The following NIBAN1 variants were observed in gnomAD, a reference collection of about 807,000 sequenced individuals.
The protein encoded by NIBAN1 is protein Niban 1.
Under a neutral mutation model 75.1 loss-of-function variants are expected in NIBAN1, and 81 were observed. The observed-to-expected ratio is 1.08, with a 90% confidence interval of 0.90 to 1.30. The LOEUF (loss-of-function observed/expected upper bound fraction) is 1.30. Among genes scored for constraint, NIBAN1 ranks in the 50% most tolerant of loss-of-function variants. The pLI is 0.00. For missense variants in NIBAN1, 1,133 were observed against 1,128.1 expected (o/e 1.00, Z -0.06); for synonymous variants, 436 against 424.8 (o/e 1.03, Z -0.32).
At chr1:184,863,805 A>G (rs545949638) in intron 5 of NIBAN1, among the ~76,000 whole-genome samples, 1 of 152,364 alleles carries the variant, frequency 6.6e-6, no homozygotes, top group Non-Finnish European at 1.5e-5. Flanking sequence ...CATTGGTTTA[A>G]TAGCTTAATT....
chr1:184,801,536 T>C (rs1654042061), intron 12 of NIBAN1, among the ~76,000 whole-genome samples: 1 of 152,150 alleles, frequency 6.6e-6, no homozygotes, highest in African/African-American at 2.4e-5. Flanking sequence ...CCCATTCCTA[T>C]TCCCCTGATT....
At position 184,791,356 on chromosome 1, in the gene NIBAN1, G is replaced by T; in HGVS notation, c.*3621C>A. 6.3e-6 allele frequency: 1 copy of T among 158,938 alleles called. No individual in the cohort carries two copies. Among genetic ancestry groups the T allele is most frequent in the Non-Finnish European group, 1.4e-5 (1 of 71,992 alleles). 9.8% of individuals were successfully genotyped at this position (158,938 alleles called of 1,614,324 possible). A position where few individuals can be genotyped will look rare whatever the true frequency, so the allele number is the denominator to read the frequency against. ...ATGAACGAAAATCACTTTTGTCTTG[G>T]GGAATTGTGAAACCTTTTGAAATCA... On this transcript the variant is annotated 3_prime_UTR_variant, in exon 14 of 14. Coordinates refer to ENST00000367511, the MANE Select transcript of NIBAN1 (RefSeq NM_052966.4).
At chr1:184,945,347 A>ACT (rs10690041) in intron 1 of NIBAN1, among the ~76,000 whole-genome samples, 104,327 of 151,992 alleles carry the variant, frequency 0.69, 35,982 homozygotes, top group African/African-American at 0.7. Flanking sequence ...AAGGCTTTTC[A>ACT]CTCTGTAAAA....
intron 6 of NIBAN1, 127 bp from the exon 7 acceptor site, chr1:184,823,869 A>T: frequency 1.5e-6 from 1 of 674,694 alleles, no homozygotes; most frequent in Admixed American, 2.7e-5. Context: ...GTAGGTTAAT[A>T]GTTTAACCTA....
intron 3 of NIBAN1, among the ~76,000 whole-genome samples, chr1:184,892,575 A>C (rs1360836122): frequency 1.3e-5 from 2 of 152,078 alleles, no homozygotes; most frequent in Non-Finnish European, 2.9e-5. Flanking sequence ...TATTAGCTTA[A>C]TAAATGTTGA....
chr1:184,935,343 AAAAAAT>A (rs1334515831), intron 1 of NIBAN1, among the ~76,000 whole-genome samples: 1 of 152,052 alleles, frequency 6.6e-6, no homozygotes, highest in Non-Finnish European at 1.5e-5. Context: ...CTGTCTATAC[AAAAAAT>A]AAAAATAAAA....
chr1:184,839,545 C>CTCTGTGTG (rs1553219307), intron 5 of NIBAN1, among the ~76,000 whole-genome samples: 3 of 148,634 alleles, frequency 2.0e-5, no homozygotes, highest in Non-Finnish European at 4.5e-5. Flanking sequence ...ACATGCATTC[C>CTCTGTGTG]TGTGTGTGTG....
At chr1:184,803,192 G>A (rs556990853) in intron 12 of NIBAN1, among the ~76,000 whole-genome samples, 5 of 152,298 alleles carry the variant, frequency 3.3e-5, no homozygotes, top group Admixed American at 2.0e-4. Context: ...CAGAGGACAC[G>A]TTGGACCTAT....
At position 184,795,369 on chromosome 1, in the gene NIBAN1, C is replaced by A. The variant is rs1653819433; in HGVS notation, c.2395G>T (p.Ala799Ser). ...PEVGSPASPPASGGLTEEPLG... is the reference protein window; with the variant it reads ...PEVGSPASPPSSGGLTEEPLG... The stretch of plus-strand genomic sequence containing the variant: ...GGCTCCTCGGTGAGCCCTCCACTGG[C>A]TGGCGGAGAGGCTGGGCTGCCTACC... Residue 799 changes from alanine to serine, a missense_variant, in exon 14 of 14, where the codon GCC (alanine) becomes TCC (serine). Physicochemically the swap from Ala to Ser is moderately conservative, Grantham distance 99 (BLOSUM62 1). Coordinates refer to ENST00000367511, the MANE Select transcript of NIBAN1 (RefSeq NM_052966.4). 6.2e-7 allele frequency: 1 copy of A among 1,606,910 alleles called. No individual in the cohort carries two copies. The highest frequency in any genetic ancestry group is 1.3e-5 in the African/African-American group (1 of 74,882).
At chr1:184,818,511 AG>A in intron 9 of NIBAN1, 126 bp downstream of exon 9, 1 of 898,958 alleles carries the variant, frequency 1.1e-6, no homozygotes, top group Non-Finnish European at 1.7e-6. Flanking sequence ...GGATGAATGG[AG>A]GGAAGGGCAG....
chr1:184,820,438 TTCCTCTACCTCTGCTCATAAACA>T (rs1239509995), intron 8 of NIBAN1, among the ~76,000 whole-genome samples: 10 of 152,208 alleles, frequency 6.6e-5, no homozygotes, highest in African/African-American at 2.4e-4. Flanking sequence ...CTTGCCTTCC[TTCCTCTACCTCTGCTCATAAACA>T]TCCTACTCCT....
At chr1:184,961,262 G>A (rs912901410) in intron 1 of NIBAN1, among the ~76,000 whole-genome samples, 3 of 150,424 alleles carry the variant, frequency 2.0e-5, no homozygotes, top group Non-Finnish European at 4.4e-5. Context: ...GTAGAGACGG[G>A]GTTTTACCGT....
chr1:184,883,097 G>A (rs1656418783), intron 5 of NIBAN1, among the ~76,000 whole-genome samples: 1 of 152,126 alleles, frequency 6.6e-6, no homozygotes, highest in Admixed American at 6.5e-5. Context: ...CTCTCACTCT[G>A]TGGGACTGAC....
chr1:184,868,032 G>A, intron 5 of NIBAN1: 1 of 985,458 alleles, frequency 1.0e-6, no homozygotes, highest in Non-Finnish European at 1.2e-6. Flanking sequence ...GTGATTGCAT[G>A]AGCCATGCCC....
chr1:184,893,999 G>A lies in NIBAN1; in HGVS notation c.318+76C>T. The A allele has an allele frequency of 2.8e-6, 4 of 1,443,062 alleles. No individual in the cohort carries two copies. In the South Asian group the frequency reaches 5.8e-5, roughly 21 times the overall value. The allele number at this position is 1,443,062 out of a possible 1,614,324, so 89.4% of individuals were successfully genotyped here. A position where few individuals can be genotyped will look rare whatever the true frequency, so the allele number is the denominator to read the frequency against. On this transcript the variant is annotated intron_variant, in intron 3 of 13. Transcript: ENST00000367511. ...TTTGTTAGTATAGCCTTGTAGGAAG[G>A]AGAGGGCACACCAATCAACCGAGCC...
chr1:184,798,251 A>C (rs1471076054), intron 12 of NIBAN1, 61 bp from the exon 13 acceptor site: 1 of 1,044,016 alleles, frequency 9.6e-7, no homozygotes, highest in African/African-American at 1.6e-5. Context: ...TTCTTAGAGG[A>C]GATACAGAAA....
chr1:184,806,333 T>G (rs1654198202), intron 10 of NIBAN1, among the ~76,000 whole-genome samples: 3 of 152,228 alleles, frequency 2.0e-5, no homozygotes, highest in Admixed American at 2.0e-4. Context: ...TATTCTTTGA[T>G]ACCTGCAGCC....
intron 2 of NIBAN1, among the ~76,000 whole-genome samples, chr1:184,897,540 T>G (rs1188138479): frequency 6.6e-6 from 1 of 152,172 alleles, no homozygotes; most frequent in Non-Finnish European, 1.5e-5. Context: ...CCCTGTTTTA[T>G]GGCCCATGGC....
rs111578320 is a variant in NIBAN1, at chr1:184,921,450, G to C, written c.56-22141C>G. ...GCTGAGCAGAGAAGAAAGACTGGAA[G>C]AAAATATACCAAAATGATAAGTGAT... On this transcript the variant is annotated intron_variant, in intron 1 of 13. Coordinates refer to ENST00000367511, the MANE Select transcript of NIBAN1 (RefSeq NM_052966.4). Among the ~76,000 whole-genome samples, 1,312 of 152,262 alleles carry C rather than the reference G, an allele frequency of 8.6e-3. 15 individuals carry two copies. The highest frequency in any genetic ancestry group is 0.02 in the South Asian group (95 of 4,822).
Sources: allele counts gnomAD v4.1 joint callset (sites outside exome capture counted in the v4.1 genomes callset), GRCh38; gene constraint gnomAD v4.1.1; transcripts MANE v1.5; gene names NCBI Gene and HGNC (gene_info 2026-07-23, HGNC 2026-07-21).